The following TNRC6B variants were observed in gnomAD, a reference collection of about 807,000 sequenced individuals.
TNRC6B encodes trinucleotide repeat-containing gene 6B protein.
Under a neutral mutation model 203.6 loss-of-function variants are expected in TNRC6B, and 52 were observed. That is an observed-to-expected ratio of 0.26 (90% CI 0.20 to 0.32). The LOEUF (loss-of-function observed/expected upper bound fraction) is 0.32. Ranked by LOEUF, TNRC6B falls within the 10% of genes least tolerant of loss-of-function variation. The pLI is 1.00. For synonymous variants in TNRC6B, 838 were observed against 845.7 expected (o/e 0.99, Z 0.16); for missense variants, 1,923 against 2,286.2 (o/e 0.84, Z 3.24).
chr22:40,245,944 C>T, intron 1 of TNRC6B, 71 bp from the exon 2 acceptor site: 1 of 1,219,646 alleles, frequency 8.2e-7, no homozygotes, highest in Non-Finnish European at 1.1e-6. Context: ...CACTTACAAG[C>T]ATTCAATTTG....
intron 1 of TNRC6B, among the ~76,000 whole-genome samples, chr22:40,206,850 G>A (rs1197109882): frequency 1.3e-5 from 2 of 152,164 alleles, no homozygotes; most frequent in South Asian, 2.1e-4. Flanking sequence ...TGGACTTTTC[G>A]ACAAGTGCTC....
intron 1 of TNRC6B, among the ~76,000 whole-genome samples, chr22:40,213,214 A>T (rs2067901920): frequency 6.6e-6 from 1 of 152,244 alleles, no homozygotes; most frequent in African/African-American, 2.4e-5. Flanking sequence ...GTACAGTTAA[A>T]CACAGTTAAA....
At chr22:40,150,351 C>T (rs945949900) in intron 3 of TNRC6B, among the ~76,000 whole-genome samples, 4 of 152,168 alleles carry the variant, frequency 2.6e-5, no homozygotes, top group African/African-American at 9.7e-5. Context: ...GCACCCCAGC[C>T]TGGGTGACAG....
chr22:40,330,603 C>G lies in TNRC6B; in HGVS notation c.*7362C>G, dbSNP rs1358437710. ...TTTCTCACCAAGTGATGCATTTTAG[C>G]ATGACACTTCTTGCCAGAAATTTTG... On this transcript the variant is annotated 3_prime_UTR_variant, in exon 23 of 23. Coordinates refer to ENST00000454349, the MANE Select transcript of TNRC6B (RefSeq NM_001162501.2). 6.6e-6 allele frequency: 1 copy of G among 152,658 alleles called. No individual in the cohort carries two copies. Among genetic ancestry groups the G allele is most frequent in the Non-Finnish European group, 1.5e-5 (1 of 68,042 alleles). The allele number at this position is 152,658 out of a possible 1,614,324, so 9.5% of individuals were successfully genotyped here.
chr22:40,297,397 A>G (rs114869521), intron 12 of TNRC6B, among the ~76,000 whole-genome samples: 56 of 152,334 alleles, frequency 3.7e-4, no homozygotes, highest in African/African-American at 1.3e-3. Context: ...AGGATCAACA[A>G]GAACTTGGTG....
intron 1 of TNRC6B, among the ~76,000 whole-genome samples, chr22:40,192,283 G>A (rs565295018): frequency 1.4e-4 from 22 of 152,332 alleles, no homozygotes; most frequent in African/African-American, 5.3e-4. Context: ...CAAAGCAAGA[G>A]GGACAAGTGG....
intron 1 of TNRC6B, among the ~76,000 whole-genome samples, chr22:40,092,401 CAAA>C (rs552880025): frequency 8.9e-6 from 1 of 112,768 alleles, no homozygotes. Flanking sequence ...GACTCTGTCT[CAAA>C]AAAAAAAAAA....
chr22:40,263,836 C>T (rs564423844), intron 4 of TNRC6B, among the ~76,000 whole-genome samples: 6 of 152,310 alleles, frequency 3.9e-5, no homozygotes, highest in African/African-American at 1.4e-4. Flanking sequence ...ATTCATCATT[C>T]AGCAGATGCT....
chr22:40,118,948 C>G (rs775605976), intron 2 of TNRC6B, among the ~76,000 whole-genome samples: 5 of 152,066 alleles, frequency 3.3e-5, no homozygotes, highest in Non-Finnish European at 7.4e-5. Context: ...GGAGTGATAG[C>G]AACAAAAACA....
At chr22:40,143,717 CGAT>C (rs2068665729) in intron 3 of TNRC6B, among the ~76,000 whole-genome samples, 7 of 152,164 alleles carry the variant, frequency 4.6e-5, no homozygotes, top group Non-Finnish European at 1.0e-4. Context: ...AGGATGGTCT[CGAT>C]CTCCTGACCT....
At chr22:40,316,126 G>A (rs577071776) in intron 21 of TNRC6B, 114 bp downstream of exon 21, 82 of 865,792 alleles carry the variant, frequency 9.5e-5, no homozygotes, top group South Asian at 2.6e-4. Context: ...AGGCCGAGGC[G>A]GGTGCATCAC....
intron 1 of TNRC6B, among the ~76,000 whole-genome samples, chr22:40,108,033 G>A (rs2068301357): frequency 6.6e-6 from 1 of 151,924 alleles, no homozygotes; most frequent in African/African-American, 2.4e-5. Flanking sequence ...CTACGTGGCT[G>A]ATGTTAAATT....
At chr22:40,075,068 A>G (rs1486321595) in intron 1 of TNRC6B, among the ~76,000 whole-genome samples, 1 of 144,100 alleles carries the variant, frequency 6.9e-6, no homozygotes, top group Non-Finnish European at 1.5e-5. Context: ...AAAAAAATGT[A>G]TGTTCTGCTA....
upstream of TNRC6B, among the ~76,000 whole-genome samples, chr22:40,173,561 C>T (rs2069024652): frequency 6.7e-6 from 1 of 150,330 alleles, no homozygotes; most frequent in Non-Finnish European, 1.5e-5. Flanking sequence ...CACAGGCATA[C>T]CCCACCAAGC....
rs1286274070 is a variant in TNRC6B at position 40,330,207 on chromosome 22, G to A, written c.*6966G>A. 1 of 152,038 alleles carries A rather than the reference G, an allele frequency of 6.6e-6. No homozygotes were observed. Among genetic ancestry groups the A allele is most frequent in the African/African-American group, 2.4e-5 (1 of 41,394 alleles). 9.4% of individuals were successfully genotyped at this position (152,038 alleles called of 1,614,324 possible). ...TTGTTTTTTTCTTTTTTTTCAAAAAGGGAAATTCCTCTTTACTGCTCACAG... is the reference window on the plus strand; with the variant it reads ...TTGTTTTTTTCTTTTTTTTCAAAAAAGGAAATTCCTCTTTACTGCTCACAG... On this transcript the variant is annotated 3_prime_UTR_variant, in exon 23 of 23. Transcript: ENST00000454349.
intron 21 of TNRC6B, among the ~76,000 whole-genome samples, chr22:40,319,938 C>T (rs1218553236): frequency 6.6e-6 from 1 of 152,108 alleles, no homozygotes; most frequent in African/African-American, 2.4e-5. Context: ...ATCTAGAGAG[C>T]ATCTATCCTA....
At chr22:40,129,247 C>T (rs1028039448) in intron 3 of TNRC6B, among the ~76,000 whole-genome samples, 5 of 152,170 alleles carry the variant, frequency 3.3e-5, no homozygotes, top group Non-Finnish European at 7.3e-5. Context: ...CAGTGTGCAA[C>T]GTGGACCTAT....
chr22:40,158,552 A>G (rs948244862), intron 4 of TNRC6B, among the ~76,000 whole-genome samples: 26 of 152,198 alleles, frequency 1.7e-4, no homozygotes, highest in African/African-American at 5.8e-4. Flanking sequence ...TTAGGTATTC[A>G]GGAAATGTTG....
intron 1 of TNRC6B, among the ~76,000 whole-genome samples, chr22:40,100,445 CAT>C: frequency 6.6e-6 from 1 of 152,086 alleles, no homozygotes; most frequent in South Asian, 2.1e-4. Context: ...TGATAACAAT[CAT>C]AGCTCACTGC....
Sources: allele counts gnomAD v4.1 joint callset (sites outside exome capture counted in the v4.1 genomes callset), GRCh38; gene constraint gnomAD v4.1.1; transcripts MANE v1.5; gene names NCBI Gene and HGNC (gene_info 2026-07-23, HGNC 2026-07-21).